The following PRKG1 variants were observed in gnomAD, a reference collection of about 807,000 sequenced individuals.
PRKG1 encodes the protein cGMP-dependent protein kinase 1.
In PRKG1, 35 loss-of-function variants were observed where a neutral mutation model predicts 88.1. The observed-to-expected ratio is 0.40, with a 90% CI of 0.30 to 0.53. The LOEUF (loss-of-function observed/expected upper bound fraction) is 0.53, where lower values mean the gene tolerates loss of function less well. Ranked by LOEUF, PRKG1 falls within the 20% of genes least tolerant of loss-of-function variation. The probability of loss-of-function intolerance (pLI) is 0.59; values close to 1 mark genes in which losing one functional copy is unlikely to be tolerated. For missense variants in PRKG1, 540 were observed against 839.8 expected, an observed-to-expected ratio of 0.64 and a Z score of 4.41; for synonymous variants, 303 against 292.5, an observed-to-expected ratio of 1.04 and a Z score of -0.37.
chr10:52,087,800 A>G (rs1325405062), intron 7 of PRKG1, among the ~76,000 whole-genome samples: 1 of 152,174 alleles, frequency 6.6e-6, no homozygotes, highest in Non-Finnish European at 1.5e-5. Flanking sequence ...AACTGTAGTT[A>G]AGAATTCTCT....
intron 5 of PRKG1, among the ~76,000 whole-genome samples, chr10:51,975,088 T>C (rs986305131): frequency 1.3e-5 from 2 of 152,148 alleles, no homozygotes; most frequent in African/African-American, 4.8e-5. Flanking sequence ...AATTGTTTAA[T>C]GACAGTTACA....
intron 4 of PRKG1, among the ~76,000 whole-genome samples, chr10:51,818,218 T>C (rs1839643061): frequency 6.6e-6 from 1 of 152,054 alleles, no homozygotes; most frequent in Non-Finnish European, 1.5e-5. Context: ...GAGATTGGAG[T>C]CTCTTCTAGA....
chr10:52,000,675 A>G (rs958541724), intron 5 of PRKG1, among the ~76,000 whole-genome samples: 1 of 152,012 alleles, frequency 6.6e-6, no homozygotes, highest in East Asian at 1.9e-4. Context: ...TATCTCTTCT[A>G]CTTATTCAAC....
At chr10:51,988,557 CT>C (rs1844221987) in intron 5 of PRKG1, among the ~76,000 whole-genome samples, 1 of 151,962 alleles carries the variant, frequency 6.6e-6, no homozygotes, top group East Asian at 1.9e-4. Flanking sequence ...AAAATGTTTG[CT>C]GGGTTTGAGG....
chr10:51,109,901 TA>T (rs1039434208), intron 1 of PRKG1, among the ~76,000 whole-genome samples: 2 of 151,878 alleles, frequency 1.3e-5, no homozygotes, highest in African/African-American at 4.8e-5. Flanking sequence ...AAAGAACAAC[TA>T]AAAAAATTGG....
At chr10:51,215,948 G>A (rs1789575400) in intron 2 of PRKG1, among the ~76,000 whole-genome samples, 1 of 152,228 alleles carries the variant, frequency 6.6e-6, no homozygotes, top group Admixed American at 6.5e-5. Flanking sequence ...AACATTAGAG[G>A]AGAGAGAATA....
intron 2 of PRKG1, among the ~76,000 whole-genome samples, chr10:51,297,520 C>A (rs1444504045): frequency 6.6e-6 from 1 of 152,030 alleles, no homozygotes; most frequent in Non-Finnish European, 1.5e-5. Context: ...TTTGACAACA[C>A]CTCTTAAAAG....
chr10:51,735,905 A>ATTTATTTT (rs1837262738), intron 3 of PRKG1, among the ~76,000 whole-genome samples: 1 of 62,684 alleles, frequency 1.6e-5, no homozygotes, highest in African/African-American at 6.0e-5. Flanking sequence ...TTATTTATTT[A>ATTTATTTT]TTTTTCCCTC....
chr10:51,137,960 G>C (rs1001230473), intron 1 of PRKG1, among the ~76,000 whole-genome samples: 1 of 152,306 alleles, frequency 6.6e-6, no homozygotes, highest in Admixed American at 6.5e-5. Flanking sequence ...TGTGACTGGG[G>C]ATAATAATAA....
At chr10:52,125,049 A>T (rs1294833925) in intron 7 of PRKG1, among the ~76,000 whole-genome samples, 2 of 152,156 alleles carry the variant, frequency 1.3e-5, no homozygotes, top group East Asian at 3.8e-4. Flanking sequence ...TTTAGTAAGT[A>T]GGAGTACACT....
chr10:51,702,792 G>A (rs1229638269), intron 3 of PRKG1, among the ~76,000 whole-genome samples: 1 of 151,984 alleles, frequency 6.6e-6, no homozygotes, highest in Non-Finnish European at 1.5e-5. Context: ...TGCCTCCTGA[G>A]CTCAAGCAAT....
chr10:51,853,605 A>C (rs1475632233), intron 4 of PRKG1, among the ~76,000 whole-genome samples: 2 of 152,180 alleles, frequency 1.3e-5, no homozygotes, highest in African/African-American at 4.8e-5. Context: ...TGTCTTCCTG[A>C]ATTTTAGCAG....
At position 52,146,010 on chromosome 10, in the gene PRKG1, GCAAAGGCAAAT is replaced by G. The variant is rs112296309; in HGVS notation, c.1001+12108_1001+12118del. Among the ~76,000 whole-genome samples the G allele has an allele frequency of 9.6e-3, 1,464 of 152,254 alleles. 29 individuals are homozygous for G. Among genetic ancestry groups the G allele is most frequent in the African/African-American group, 0.034 (1,399 of 41,568 alleles). On this transcript the variant is annotated intron_variant, in intron 8 of 17. Transcript: ENST00000373980. ...TAGTTTTAAATGGAAAGCCAGACTA[GCAAAGGCAAAT>G]CATGATTTGCCTTTAATAGGCAAGA...
chr10:52,261,761 A>C (rs1841439363), intron 10 of PRKG1, among the ~76,000 whole-genome samples: 2 of 152,208 alleles, frequency 1.3e-5, no homozygotes, highest in Non-Finnish European at 2.9e-5. Flanking sequence ...GGAAGTAGAG[A>C]AGTTATTGTG....
intron 1 of PRKG1, among the ~76,000 whole-genome samples, chr10:51,133,910 G>A (rs967294652): frequency 2.0e-5 from 3 of 152,064 alleles, no homozygotes; most frequent in Non-Finnish European, 4.4e-5. Flanking sequence ...CAACAACATT[G>A]TATCTCTTCT....
intron 9 of PRKG1, among the ~76,000 whole-genome samples, chr10:52,227,466 G>A (rs186202742): frequency 6.6e-6 from 1 of 152,170 alleles, no homozygotes; most frequent in East Asian, 1.9e-4. Context: ...TATTTACGTT[G>A]TAAATAAAGC....
At chr10:51,601,001 G>A (rs12257544) in intron 3 of PRKG1, among the ~76,000 whole-genome samples, 5 of 149,708 alleles carry the variant, frequency 3.3e-5, no homozygotes, top group African/African-American at 4.9e-5. Flanking sequence ...ACAGCAGGGG[G>A]AGGGGGAAAA....
intron 4 of PRKG1, among the ~76,000 whole-genome samples, chr10:51,894,922 A>G (rs913027279): frequency 2.0e-5 from 3 of 152,180 alleles, no homozygotes; most frequent in Non-Finnish European, 4.4e-5. Flanking sequence ...GAGAACACTG[A>G]GTTTCAGTGA....
intron 2 of PRKG1, among the ~76,000 whole-genome samples, chr10:51,267,759 T>C (rs1242259935): frequency 6.6e-6 from 1 of 152,192 alleles, no homozygotes; most frequent in East Asian, 1.9e-4. Flanking sequence ...AAAGAATTCA[T>C]GACCAAGAAC....
Sources: gnomAD v4.1 joint callset for allele counts (sites outside exome capture counted in the v4.1 genomes callset) on GRCh38, gnomAD v4.1.1 for gene constraint, MANE v1.5 for transcripts, NCBI Gene and HGNC (gene_info 2026-07-23, HGNC 2026-07-21) for gene names.